The following RABGAP1L variants were observed in gnomAD, a reference collection of about 807,000 sequenced individuals.
RABGAP1L encodes RAB GTPase activating protein 1 like.
A neutral mutation model predicts 137.7 loss-of-function variants in RABGAP1L; 63 were observed. The ratio of observed to expected loss-of-function variants is 0.46; its 90% CI spans 0.37 to 0.56. The LOEUF (loss-of-function observed/expected upper bound fraction) is 0.56, where lower values mean the gene tolerates loss of function less well. Among genes scored for constraint, RABGAP1L ranks in the 20% least tolerant of loss-of-function variants. The probability of loss-of-function intolerance (pLI) is 0.00; values close to 1 mark genes in which losing one functional copy is unlikely to be tolerated. For synonymous variants in RABGAP1L, 431 were observed against 433.7 expected (o/e 0.99, Z 0.08); for missense variants, 1,095 against 1,244.0 (o/e 0.88, Z 1.80).
Position 174,596,398 on chromosome 1 carries a change from CA to C in RABGAP1L, c.1711-40976del, listed in dbSNP as rs202132701. On this transcript the variant is annotated intron_variant, in intron 13 of 25. Coordinates refer to ENST00000681986, the MANE Select transcript of RABGAP1L (RefSeq NM_001366446.1). The stretch of plus-strand genomic sequence containing the variant: ...CTCCCTCCTCTTCAGTTTCTTTCAT[CA>C]GTGTTTTGTAGTTCTTATTGTACAG... Among the ~76,000 whole-genome samples the C allele has an allele frequency of 5.5e-3, 833 of 152,230 alleles. 4 individuals are homozygous for C. The highest frequency in any genetic ancestry group is 8.5e-3 in the Non-Finnish European group (578 of 68,006).
chr1:174,351,255 A>G (rs1422558493), intron 11 of RABGAP1L, among the ~76,000 whole-genome samples: 4 of 152,176 alleles, frequency 2.6e-5, no homozygotes, highest in African/African-American at 7.2e-5. Context: ...TGTACTTACT[A>G]TTACTAGTGA....
chr1:174,250,618 A>T lies in RABGAP1L; in HGVS notation c.861A>T (p.Gly287=). ...CCTTGGAGGTAAAAGAAGACGATGGAAAAGGAAACTTTAGGTGAGGCATTT... is the reference window on the plus strand; with the variant it reads ...CCTTGGAGGTAAAAGAAGACGATGGTAAAGGAAACTTTAGGTGAGGCATTT... ...SVSLEVKEDD[G]KGNFSPVPKD... is the part of the protein sequence containing the mutation. The change falls in exon 6 of 26, where the codon GGA becomes GGT. Residue 287 remains glycine, a synonymous_variant. Transcript: ENST00000681986. 6.2e-7 allele frequency: 1 copy of T among 1,612,930 alleles called. No individual in the cohort carries two copies. The highest frequency in any genetic ancestry group is 2.2e-5 in the East Asian group (1 of 44,852).
At chr1:174,910,632 A>G (rs1659905606) in intron 19 of RABGAP1L, among the ~76,000 whole-genome samples, 1 of 152,250 alleles carries the variant, frequency 6.6e-6, no homozygotes, top group Admixed American at 6.5e-5. Flanking sequence ...CCTTGTTTGT[A>G]GATGACATGA....
In RABGAP1L at chr1:174,383,435, C is replaced by G. The variant is rs1003302619; in HGVS notation, c.1560-10560C>G. Among the ~76,000 whole-genome samples, 318 of 152,092 alleles carry G rather than the reference C, an allele frequency of 2.1e-3. 1 individual carries two copies. Among genetic ancestry groups the G allele is most frequent in the African/African-American group, 7.3e-3 (302 of 41,484 alleles). On this transcript the variant is annotated intron_variant, in intron 12 of 25. Coordinates refer to ENST00000681986, the MANE Select transcript of RABGAP1L (RefSeq NM_001366446.1). ...GATCTCAGACTGCTGTGCTAGCAATCAGCGAGATTCCGTTGGCGTAGGACC... is the reference window on the plus strand; with the variant it reads ...GATCTCAGACTGCTGTGCTAGCAATGAGCGAGATTCCGTTGGCGTAGGACC...
At chr1:174,217,796 A>T (rs1571599490) in intron 1 of RABGAP1L, among the ~76,000 whole-genome samples, 1 of 152,172 alleles carries the variant, frequency 6.6e-6, no homozygotes, top group Admixed American at 6.5e-5. Flanking sequence ...GAAATTTTTG[A>T]TTTTTTATAA....
intron 13 of RABGAP1L, among the ~76,000 whole-genome samples, chr1:174,484,580 A>G (rs1659448304): frequency 6.6e-6 from 1 of 152,202 alleles, no homozygotes; most frequent in African/African-American, 2.4e-5. Flanking sequence ...TGATATTTGT[A>G]TATGGTGAGA....
chr1:174,528,541 G>T (rs1664121518), intron 13 of RABGAP1L, among the ~76,000 whole-genome samples: 2 of 146,148 alleles, frequency 1.4e-5, no homozygotes, highest in Admixed American at 6.8e-5. Context: ...ATTTTCTCCT[G>T]GTCAGTAAGG....
chr1:174,425,479 A>G (rs1191329416), intron 13 of RABGAP1L, among the ~76,000 whole-genome samples: 1 of 152,086 alleles, frequency 6.6e-6, no homozygotes, highest in Non-Finnish European at 1.5e-5. Context: ...GTGTTTGGCA[A>G]AGATATGAAG....
At chr1:174,261,994 G>A (rs2148631317) in intron 7 of RABGAP1L, among the ~76,000 whole-genome samples, 1 of 152,312 alleles carries the variant, frequency 6.6e-6, no homozygotes, top group South Asian at 2.1e-4. Context: ...GCTACCCTGT[G>A]AGCTTACTCA....
intron 14 of RABGAP1L, among the ~76,000 whole-genome samples, chr1:174,643,764 A>C (rs1349904068): frequency 6.6e-6 from 1 of 151,984 alleles, no homozygotes; most frequent in Non-Finnish European, 1.5e-5. Flanking sequence ...TCCTTTTTAA[A>C]TCTTTTCATA....
chr1:174,469,694 A>G (rs1307859508), intron 13 of RABGAP1L, among the ~76,000 whole-genome samples: 1 of 152,190 alleles, frequency 6.6e-6, no homozygotes, highest in East Asian at 1.9e-4. Flanking sequence ...CAGTCTTAAG[A>G]CACTGATTGT....
chr1:174,530,581 C>T (rs1377053997), intron 13 of RABGAP1L, among the ~76,000 whole-genome samples: 1 of 152,170 alleles, frequency 6.6e-6, no homozygotes, highest in East Asian at 1.9e-4. Context: ...TACCTTTTCC[C>T]CACATTGGGG....
intron 13 of RABGAP1L, among the ~76,000 whole-genome samples, chr1:174,520,031 A>G (rs2147841968): frequency 6.6e-6 from 1 of 152,346 alleles, no homozygotes; most frequent in South Asian, 2.1e-4. Flanking sequence ...GGCACCAGCG[A>G]AGTATGAACA....
At chr1:174,315,168 G>T (rs111526210) in intron 11 of RABGAP1L, among the ~76,000 whole-genome samples, 7 of 152,202 alleles carry the variant, frequency 4.6e-5, no homozygotes, top group African/African-American at 1.7e-4. Context: ...TGATGTTCCA[G>T]TGTTGAGGGC....
intron 13 of RABGAP1L, among the ~76,000 whole-genome samples, chr1:174,542,060 T>A (rs1665508591): frequency 6.6e-6 from 1 of 152,182 alleles, no homozygotes; most frequent in South Asian, 2.1e-4. Flanking sequence ...TTCTCTTTTT[T>A]TGTTGTGTCT....
chr1:174,834,467 T>C (rs916530147), intron 19 of RABGAP1L, among the ~76,000 whole-genome samples: 8 of 152,144 alleles, frequency 5.3e-5, no homozygotes, highest in East Asian at 3.9e-4. Context: ...TGTGTTTTTT[T>C]TCTCTGGGCA....
At chr1:174,527,208 T>G (rs1026591835) in intron 13 of RABGAP1L, among the ~76,000 whole-genome samples, 22 of 149,910 alleles carry the variant, frequency 1.5e-4, no homozygotes. Flanking sequence ...TATTTTGTTT[T>G]TTTTTTTTTT....
intron 12 of RABGAP1L, 103 bp from the exon 13 acceptor site, chr1:174,393,892 G>T: frequency 7.6e-7 from 1 of 1,323,574 alleles, no homozygotes; most frequent in Non-Finnish European, 1.0e-6. Context: ...GTTTTCTCTT[G>T]ACCCAAGCTT....
chr1:174,468,076 G>A (rs1010524182), intron 13 of RABGAP1L, among the ~76,000 whole-genome samples: 2 of 151,992 alleles, frequency 1.3e-5, no homozygotes, highest in African/African-American at 2.4e-5. Flanking sequence ...ATATTATAAA[G>A]AATTAATTTT....
Sources: allele counts gnomAD v4.1 joint callset (sites outside exome capture counted in the v4.1 genomes callset), GRCh38; gene constraint gnomAD v4.1.1; transcripts MANE v1.5; gene names NCBI Gene and HGNC (gene_info 2026-07-23, HGNC 2026-07-21).